Variants in ZEB1 observed in about 807,000 individuals in gnomAD.
ZEB1 encodes zinc finger E-box-binding homeobox 1.
A neutral mutation model predicts 84.9 loss-of-function variants in ZEB1; 21 were observed. The observed-to-expected ratio is 0.25, with a 90% CI of 0.18 to 0.36. ZEB1 has a LOEUF of 0.36. ZEB1 is among the 10% of genes least tolerant of loss of function. ZEB1 has a pLI of 1.00. For missense variants in ZEB1, 1,104 were observed against 1,330.2 expected (o/e 0.83, Z 2.65); for synonymous variants, 420 against 471.1 (o/e 0.89, Z 1.41).
chr10:31,349,232 C>A (rs2040871217), intron 1 of ZEB1, among the ~76,000 whole-genome samples: 2 of 152,132 alleles, frequency 1.3e-5, no homozygotes, highest in Non-Finnish European at 2.9e-5. Context: ...TCATCCGTGT[C>A]GTTGCAACTG....
chr10:31,410,067 G>C (rs888014708), intron 1 of ZEB1, among the ~76,000 whole-genome samples: 1 of 152,282 alleles, frequency 6.6e-6, no homozygotes, highest in South Asian at 2.1e-4. Context: ...TGGTGAGAGA[G>C]GGCATCCTTG....
At chr10:31,401,788 AT>A (rs1373888305) in intron 1 of ZEB1, among the ~76,000 whole-genome samples, 1 of 152,154 alleles carries the variant, frequency 6.6e-6, no homozygotes, top group Non-Finnish European at 1.5e-5. Flanking sequence ...TTTCTGATAT[AT>A]TTTTAACCAG....
At chr10:31,452,320 C>T (rs867812134) in intron 1 of ZEB1, among the ~76,000 whole-genome samples, 3 of 151,770 alleles carry the variant, frequency 2.0e-5, no homozygotes, top group Admixed American at 6.6e-5. Flanking sequence ...ACATTATATC[C>T]TTCATTATAC....
At chr10:31,346,012 G>GTT (rs2040243374) in intron 1 of ZEB1, among the ~76,000 whole-genome samples, 2 of 152,138 alleles carry the variant, frequency 1.3e-5, no homozygotes, top group Admixed American at 1.3e-4. Flanking sequence ...ACCTCAAAAA[G>GTT]TTATGTAATT....
intron 2 of ZEB1, among the ~76,000 whole-genome samples, chr10:31,483,793 A>G (rs1035282675): frequency 9.2e-5 from 14 of 152,040 alleles, no homozygotes. Flanking sequence ...TGTTGCTGCC[A>G]TAACAAATGA....
At chr10:31,472,650 T>C (rs1258596814) in intron 2 of ZEB1, among the ~76,000 whole-genome samples, 2 of 121,018 alleles carry the variant, frequency 1.7e-5, no homozygotes, top group South Asian at 2.8e-4. Flanking sequence ...CTGGTACCAT[T>C]CCTTCTGAAA....
intron 2 of ZEB1, among the ~76,000 whole-genome samples, chr10:31,479,016 CA>C (rs1444317321): frequency 6.6e-6 from 1 of 151,482 alleles, no homozygotes; most frequent in Admixed American, 6.6e-5. Context: ...ATGTGCCCCC[CA>C]AATCTAAAAT....
chr10:31,424,850 C>A (rs545863562), intron 1 of ZEB1, among the ~76,000 whole-genome samples: 1 of 152,064 alleles, frequency 6.6e-6, no homozygotes, highest in African/African-American at 2.4e-5. Context: ...CCTTATTTTA[C>A]ATTTTCAGCT....
upstream of ZEB1, chr10:31,318,943 T>G: frequency 2.1e-6 from 1 of 481,190 alleles, no homozygotes; most frequent in Non-Finnish European, 3.8e-6. Flanking sequence ...GTCCCTACGG[T>G]TTCCCGGCAT....
chr10:31,411,653 A>AAT (rs1470959511), intron 1 of ZEB1, among the ~76,000 whole-genome samples: 17 of 151,082 alleles, frequency 1.1e-4, no homozygotes, highest in Admixed American at 3.9e-4. Context: ...AAAAAAAAAA[A>AAT]AAAGCAGCAT....
At chr10:31,330,223 A>G (rs897663504) in intron 1 of ZEB1, among the ~76,000 whole-genome samples, 11 of 152,190 alleles carry the variant, frequency 7.2e-5, no homozygotes, top group African/African-American at 2.7e-4. Context: ...AATTTGGCAT[A>G]AGAATTTTTA....
intron 1 of ZEB1, among the ~76,000 whole-genome samples, chr10:31,442,093 A>G (rs1564870370): frequency 6.6e-6 from 1 of 152,194 alleles, no homozygotes; most frequent in Non-Finnish European, 1.5e-5. Flanking sequence ...ATGCTGCTAT[A>G]AAGACACATG....
At chr10:31,341,861 C>G (rs1277096809) in intron 1 of ZEB1, among the ~76,000 whole-genome samples, 1 of 152,086 alleles carries the variant, frequency 6.6e-6, no homozygotes, top group African/African-American at 2.4e-5. Flanking sequence ...AAATCTATAT[C>G]GTTGTGATTT....
chr10:31,522,780 G>C (rs1814141008), intron 7 of ZEB1, among the ~76,000 whole-genome samples: 1 of 152,098 alleles, frequency 6.6e-6, no homozygotes, highest in Non-Finnish European at 1.5e-5. Flanking sequence ...TTTTCTATAA[G>C]TATAATAATT....
At chr10:31,384,858 C>CT (rs371489587) in intron 1 of ZEB1, among the ~76,000 whole-genome samples, 67 of 152,226 alleles carry the variant, frequency 4.4e-4, no homozygotes, top group African/African-American at 1.6e-3. Flanking sequence ...GCTTAGTAGT[C>CT]TTTTCCTTTC....
chr10:31,483,135 G>A (rs2065271974), intron 2 of ZEB1, among the ~76,000 whole-genome samples: 2 of 151,982 alleles, frequency 1.3e-5, no homozygotes, highest in Admixed American at 1.3e-4. Context: ...CTGGAGGACT[G>A]GGAAGGCTGG....
intron 1 of ZEB1, among the ~76,000 whole-genome samples, chr10:31,443,378 C>A (rs2059286457): frequency 6.7e-6 from 1 of 150,118 alleles, no homozygotes; most frequent in Non-Finnish European, 1.5e-5. Flanking sequence ...CCTTCTTATT[C>A]CAGGTTTGTA....
In ZEB1 at chr10:31,520,175, T is replaced by C; in HGVS notation, c.843T>C (p.Ser281=). 1.2e-6 allele frequency: 2 copies of C among 1,613,960 alleles called. No homozygotes were observed. Among genetic ancestry groups the C allele is most frequent in the Non-Finnish European group, 1.7e-6 (2 of 1,179,876 alleles). The change falls in exon 7 of 9, where the codon TCT becomes TCC. Residue 281 remains serine (S), a synonymous_variant. Transcript: ENST00000424869. This position sits in a 1 kb window ranked among gnomAD's most constrained non-coding sequence, Gnocchi z 5.1. ...ACTGCAAGAAACGCTTTTCCCATTC[T>C]GGCTCCTATAGCTCACACATAAGCA... ...CPNCKKRFSH[S]GSYSSHISSK... is the part of the protein sequence containing the mutation.
intron 1 of ZEB1, among the ~76,000 whole-genome samples, chr10:31,329,563 T>C (rs1324372045): frequency 6.6e-6 from 1 of 152,170 alleles, no homozygotes; most frequent in Non-Finnish European, 1.5e-5. Flanking sequence ...AGTACAGTTA[T>C]AGTACAGGTA....
Sources: allele counts gnomAD v4.1 joint callset (sites outside exome capture counted in the v4.1 genomes callset), GRCh38; gene constraint gnomAD v4.1.1; non-coding constraint Gnocchi (gnomAD v3.1); transcripts MANE v1.5; gene names NCBI Gene and HGNC (gene_info 2026-07-23, HGNC 2026-07-21).